CFAP299: variants seen among roughly 807,000 people sequenced by gnomAD.
CFAP299 encodes the protein cilia and flagella associated protein 299, also known as cilia- and flagella-associated protein 299.
CFAP299 carries 21 observed loss-of-function variants against 27.0 expected under a neutral mutation model. That is an observed-to-expected ratio of 0.78 (90% CI 0.55 to 1.12). CFAP299 has a LOEUF of 1.12. Among genes scored for constraint, CFAP299 ranks in the 50% most tolerant of loss-of-function variants. The pLI is 0.00. For missense variants in CFAP299, 310 were observed against 276.6 expected (o/e 1.12, Z -0.86); for synonymous variants, 104 against 98.1 (o/e 1.06, Z -0.36).
chr4:80,651,941 A>T (rs1271999956), intron 3 of CFAP299, among the ~76,000 whole-genome samples: 1 of 151,900 alleles, frequency 6.6e-6, no homozygotes, highest in African/African-American at 2.4e-5. Context: ...GCGGTTAATT[A>T]TTTTTTTTCC....
At chr4:80,332,070 C>T (rs1486506162), upstream of CFAP299, among the ~76,000 whole-genome samples, 4 of 152,244 alleles carry the variant, frequency 2.6e-5, no homozygotes, top group South Asian at 2.1e-4. Flanking sequence ...AAGAGAATCT[C>T]GAAGAGAAGA....
chr4:80,704,298 A>C (rs941993412), intron 3 of CFAP299, among the ~76,000 whole-genome samples: 1 of 151,758 alleles, frequency 6.6e-6, no homozygotes, highest in Admixed American at 6.6e-5. Flanking sequence ...GAGCAAACTC[A>C]TGTATGATGG....
At chr4:80,550,760 A>AACAC (rs10561056) in intron 2 of CFAP299, among the ~76,000 whole-genome samples, 12,425 of 148,750 alleles carry the variant, frequency 0.084, 525 homozygotes, top group Middle Eastern at 0.19. Flanking sequence ...ATTAACTCAA[A>AACAC]ACACACACAC....
At chr4:80,949,395 G>T (rs1737645644) in intron 5 of CFAP299, among the ~76,000 whole-genome samples, 1 of 152,114 alleles carries the variant, frequency 6.6e-6, no homozygotes, top group African/African-American at 2.4e-5. Context: ...ACAGGAGCTA[G>T]TGGAAAGGAA....
intron 3 of CFAP299, among the ~76,000 whole-genome samples, chr4:80,671,815 G>A (rs1030309343): frequency 6.6e-6 from 1 of 152,090 alleles, no homozygotes; most frequent in Non-Finnish European, 1.5e-5. Flanking sequence ...TTGGTGTATA[G>A]GAATGCTTGT....
intron 3 of CFAP299, among the ~76,000 whole-genome samples, chr4:80,713,220 G>A (rs1226923225): frequency 6.6e-6 from 1 of 152,146 alleles, no homozygotes; most frequent in African/African-American, 2.4e-5. Flanking sequence ...AGTAAAAAGA[G>A]GAAGGGAAAA....
intron 3 of CFAP299, among the ~76,000 whole-genome samples, chr4:80,622,913 G>A (rs1001911793): frequency 6.6e-6 from 1 of 152,164 alleles, no homozygotes; most frequent in Non-Finnish European, 1.5e-5. Context: ...TCTCAAGAAA[G>A]GAGGTTAGCA....
At chr4:80,679,043 G>C (rs1020321285) in intron 3 of CFAP299, among the ~76,000 whole-genome samples, 6 of 151,948 alleles carry the variant, frequency 3.9e-5, no homozygotes, top group African/African-American at 1.2e-4. Flanking sequence ...GAACTTCCTT[G>C]TGCTTTATAT....
intron 4 of CFAP299, chr4:80,870,414 T>G (rs1233874186): frequency 4.7e-6 from 5 of 1,070,406 alleles, no homozygotes; most frequent in Admixed American, 1.0e-4. Flanking sequence ...GTTAACCTCA[T>G]GAGGCTTTTG....
intron 2 of CFAP299, among the ~76,000 whole-genome samples, chr4:80,460,249 G>T (rs1729370445): frequency 6.6e-6 from 1 of 152,128 alleles, no homozygotes; most frequent in Non-Finnish European, 1.5e-5. Context: ...ACTGGAGTTT[G>T]GGGTAGGAGG....
At chr4:80,743,891 C>A (rs1451429149) in intron 3 of CFAP299, among the ~76,000 whole-genome samples, 2 of 152,226 alleles carry the variant, frequency 1.3e-5, no homozygotes, top group East Asian at 1.9e-4. Context: ...ATAAAGTGAT[C>A]TTTTTCATCA....
chr4:80,813,405 A>T (rs976252028), intron 3 of CFAP299, among the ~76,000 whole-genome samples: 1 of 151,998 alleles, frequency 6.6e-6, no homozygotes, highest in African/African-American at 2.4e-5. Context: ...TCTTAAAACT[A>T]TATTAGATTA....
chr4:80,423,198 C>CCT (rs1354833002), intron 2 of CFAP299, among the ~76,000 whole-genome samples: 1 of 152,158 alleles, frequency 6.6e-6, no homozygotes, highest in African/African-American at 2.4e-5. Flanking sequence ...ATAAGTTAGG[C>CCT]CTCATAGTCA....
intron 3 of CFAP299, among the ~76,000 whole-genome samples, chr4:80,672,832 G>T (rs1741577522): frequency 6.6e-6 from 1 of 151,920 alleles, no homozygotes; most frequent in Non-Finnish European, 1.5e-5. Flanking sequence ...TTGTATTTCT[G>T]TGGGATCAGT....
intron 1 of CFAP299, among the ~76,000 whole-genome samples, chr4:80,345,104 A>G (rs917486065): frequency 3.9e-5 from 6 of 152,116 alleles, no homozygotes; most frequent in Non-Finnish European, 8.8e-5. Flanking sequence ...CTCTCTCATT[A>G]CTCCTATTCA....
chr4:80,600,541 T>TA (rs1204789883), intron 3 of CFAP299, among the ~76,000 whole-genome samples: 1 of 152,156 alleles, frequency 6.6e-6, no homozygotes, highest in Non-Finnish European at 1.5e-5. Context: ...GCTTTTAAAT[T>TA]AAAAACAAGC....
Position 80,335,848 on chromosome 4 carries a change from A to C in CFAP299, c.80A>C (p.Gln27Pro). The change falls in exon 1 of 6, where the codon CAG becomes CCG. Residue 27 changes from glutamine to proline, a missense_variant. Transcript: ENST00000358105. ...GCCTATGAAGATTTCCTGGACTCGC[A>C]GATCACTACTGTGGACTTGTACTAC... is the stretch of plus-strand genomic sequence containing the variant. The part of the protein sequence containing the change: ...FNAYEDFLDS[Q>P]ITTVDLYYLE... 6.2e-7 allele frequency: 1 copy of C among 1,612,992 alleles called. No homozygotes were observed. Among genetic ancestry groups the C allele is most frequent in the East Asian group, 2.2e-5 (1 of 44,874 alleles).
At chr4:80,365,435 A>G (rs887625653) in intron 2 of CFAP299, among the ~76,000 whole-genome samples, 2 of 152,170 alleles carry the variant, frequency 1.3e-5, no homozygotes, top group Non-Finnish European at 2.9e-5. Flanking sequence ...ACCTTTTGGT[A>G]TGTAATGCAA....
At chr4:80,606,364 G>A (rs993740669) in intron 3 of CFAP299, among the ~76,000 whole-genome samples, 20 of 152,050 alleles carry the variant, frequency 1.3e-4, no homozygotes, top group Non-Finnish European at 2.2e-4. Context: ...GTGAAACCCC[G>A]TCTCTACTAA....
Sources: allele counts gnomAD v4.1 joint callset (sites outside exome capture counted in the v4.1 genomes callset), GRCh38; gene constraint gnomAD v4.1.1; transcripts MANE v1.5; gene names NCBI Gene and HGNC (gene_info 2026-07-23, HGNC 2026-07-21).